Variants in COL21A1 observed in about 807,000 individuals in gnomAD.
COL21A1 encodes the protein collagen type XXI alpha 1 chain, also known as collagen alpha-1(XXI) chain.
A neutral mutation model predicts 137.9 loss-of-function variants in COL21A1; 149 were observed. The ratio of observed to expected loss-of-function variants is 1.08; its 90% CI spans 0.95 to 1.24. The LOEUF (loss-of-function observed/expected upper bound fraction) is 1.24. Ranked by LOEUF, COL21A1 falls within the 50% of genes most tolerant of loss-of-function variation. COL21A1 has a pLI of 0.00. For missense variants in COL21A1, 1,167 were observed against 1,158.4 expected (o/e 1.01, Z -0.11); for synonymous variants, 456 against 391.5 (o/e 1.16, Z -1.95).
intron 12 of COL21A1, among the ~76,000 whole-genome samples, chr6:56,136,700 G>A (rs142203723): frequency 6.6e-6 from 1 of 152,106 alleles, no homozygotes; most frequent in African/African-American, 2.4e-5. Flanking sequence ...CTTTGTGTGT[G>A]TGTTTCAAAT....
Position 56,259,025 on chromosome 6 carries a change from T to A in COL21A1, c.-38-76369A>T, listed in dbSNP as rs114704628. 7.6e-3 allele frequency among the ~76,000 whole-genome samples: 1,164 copies of A among 152,290 alleles called. 9 individuals carry two copies. The highest frequency in any genetic ancestry group is 0.012 in the Non-Finnish European group (790 of 68,020). ...ACCCATTTAACTTTTATTCCTTGTATCCCAAACTTATTTGCACTCCCCCTT... is the reference window on the plus strand; with the variant it reads ...ACCCATTTAACTTTTATTCCTTGTAACCCAAACTTATTTGCACTCCCCCTT... On this transcript the variant is annotated intron_variant, in intron 1 of 28. Transcript: ENST00000370819.
At chr6:56,061,852 C>G (rs1171185905) in intron 24 of COL21A1, among the ~76,000 whole-genome samples, 171 bp from the exon 25 acceptor site, 2 of 152,014 alleles carry the variant, frequency 1.3e-5, no homozygotes, top group Non-Finnish European at 2.9e-5. Flanking sequence ...AGGCTAATGA[C>G]TAGGAAATAT....
At chr6:56,257,428 T>G (rs1386709855) in intron 1 of COL21A1, among the ~76,000 whole-genome samples, 1 of 151,900 alleles carries the variant, frequency 6.6e-6, no homozygotes, top group Admixed American at 6.6e-5. Context: ...CCCAATAGAA[T>G]AATCACAAAA....
chr6:56,276,899 C>G (rs1005561088), intron 1 of COL21A1: 3 of 472,046 alleles, frequency 6.4e-6, no homozygotes, highest in Admixed American at 3.6e-5. Context: ...GCTCTGCCTC[C>G]CGGGTTCACG....
At chr6:56,131,837 C>A (rs977553763) in intron 12 of COL21A1, among the ~76,000 whole-genome samples, 26 of 152,022 alleles carry the variant, frequency 1.7e-4, no homozygotes, top group African/African-American at 5.8e-4. Context: ...GAACCACCAA[C>A]CTGAACTAAA....
Position 56,075,503 on chromosome 6 carries a change from T to A in COL21A1, c.1887A>T (p.Gly629=), listed in dbSNP as rs1188986922. ...KGEIGPPGQQ[G]KKGAPGMPGL... ...CAGGCATCCCTGGGGCTCCTTTTTT[T>A]CCTTGCTGTCCTGGAGGCCCAATTT... The change falls in exon 19 of 30, where the codon GGA becomes GGT. Residue 629 remains glycine (G), a synonymous_variant. Coordinates refer to ENST00000244728, the MANE Select transcript of COL21A1 (RefSeq NM_030820.4). 2 of 1,536,822 alleles carry A rather than the reference T, an allele frequency of 1.3e-6. No individual in the cohort carries two copies. The highest frequency in any genetic ancestry group is 1.2e-5 in the South Asian group (1 of 80,706).
chr6:56,092,916 A>G (rs1210752684), intron 17 of COL21A1, among the ~76,000 whole-genome samples: 1 of 152,136 alleles, frequency 6.6e-6, no homozygotes, highest in African/African-American at 2.4e-5. Flanking sequence ...GGAAGATTCC[A>G]TTACTTGCCT....
intron 1 of COL21A1, chr6:56,226,030 A>T (rs1159109300): frequency 6.6e-6 from 1 of 152,000 alleles, no homozygotes; most frequent in Non-Finnish European, 1.5e-5. Context: ...TCCTTTTCTC[A>T]CCTTATTTCA....
At chr6:56,059,779 A>G (rs1187534509) in intron 28 of COL21A1, among the ~76,000 whole-genome samples, 2 of 152,162 alleles carry the variant, frequency 1.3e-5, no homozygotes, top group Non-Finnish European at 2.9e-5. Flanking sequence ...TTCTCAGTAC[A>G]TTGGCAACAT....
intron 1 of COL21A1, among the ~76,000 whole-genome samples, chr6:56,319,197 A>C (rs1228129787): frequency 6.6e-6 from 1 of 152,108 alleles, no homozygotes; most frequent in East Asian, 1.9e-4. Flanking sequence ...GAAGTAACTC[A>C]GAGACATTTA....
At chr6:56,158,881 G>A (rs1392975194) in intron 9 of COL21A1, among the ~76,000 whole-genome samples, 1 of 152,150 alleles carries the variant, frequency 6.6e-6, no homozygotes, top group Non-Finnish European at 1.5e-5. Flanking sequence ...TCCAAGGGGG[G>A]AAAATAATGC....
At chr6:56,071,860 T>G (rs1766784147) in intron 20 of COL21A1, among the ~76,000 whole-genome samples, 1 of 151,600 alleles carries the variant, frequency 6.6e-6, no homozygotes. Flanking sequence ...TGTGCAGGTT[T>G]GTTACATAGG....
chr6:56,061,727 TAC>T, intron 24 of COL21A1, 46 bp from the exon 25 acceptor site: 1 of 1,312,460 alleles, frequency 7.6e-7, no homozygotes, highest in Non-Finnish European at 1.1e-6. Flanking sequence ...CAAGCTACAG[TAC>T]TGTAATGTGG....
At chr6:56,118,334 G>A (rs1014061593) in intron 16 of COL21A1, among the ~76,000 whole-genome samples, 4 of 151,864 alleles carry the variant, frequency 2.6e-5, no homozygotes, top group Non-Finnish European at 4.4e-5. Flanking sequence ...AAATATACAT[G>A]AAATGGACAA....
chr6:56,078,893 TA>T (rs151028003), intron 17 of COL21A1, among the ~76,000 whole-genome samples: 22,995 of 151,418 alleles, frequency 0.15, 1,782 homozygotes, highest in Middle Eastern at 0.22. Context: ...ATGAAAACAA[TA>T]AAAATACCTT....
At chr6:56,147,980 T>G (rs865994529) in intron 10 of COL21A1, among the ~76,000 whole-genome samples, 1 of 152,142 alleles carries the variant, frequency 6.6e-6, no homozygotes, top group Non-Finnish European at 1.5e-5. Context: ...AAACCCTCCC[T>G]CATAGGCTGT....
chr6:56,347,279 C>T (rs1765616271), intron 1 of COL21A1, among the ~76,000 whole-genome samples: 1 of 152,050 alleles, frequency 6.6e-6, no homozygotes, highest in African/African-American at 2.4e-5. Context: ...AAGACCCACA[C>T]CAGGAATCCC....
intron 1 of COL21A1, among the ~76,000 whole-genome samples, chr6:56,314,422 C>T (rs1764683664): frequency 6.6e-6 from 1 of 152,128 alleles, no homozygotes; most frequent in African/African-American, 2.4e-5. Flanking sequence ...GGACCTTGAG[C>T]CCTCTTCCCA....
chr6:56,097,313 A>T (rs1769418735), intron 17 of COL21A1, among the ~76,000 whole-genome samples: 1 of 152,036 alleles, frequency 6.6e-6, no homozygotes, highest in South Asian at 2.1e-4. Flanking sequence ...AGGAGAAAAA[A>T]TTCATCTCAA....
Sources: gnomAD v4.1 joint callset for allele counts (sites outside exome capture counted in the v4.1 genomes callset) on GRCh38, gnomAD v4.1.1 for gene constraint, MANE v1.5 for transcripts, NCBI Gene and HGNC (gene_info 2026-07-23, HGNC 2026-07-21) for gene names.